The following SMYD3 variants were observed in gnomAD, a reference collection of about 807,000 sequenced individuals.
The protein encoded by SMYD3 is SET and MYND domain containing 3, also known as histone-lysine N-methyltransferase SMYD3.
SMYD3 carries 36 observed loss-of-function variants against 57.7 expected under a neutral mutation model. The observed-to-expected ratio is 0.62, with a 90% confidence interval of 0.48 to 0.82. The LOEUF is 0.82. Among genes scored for constraint, SMYD3 ranks in the 40% least tolerant of loss-of-function variants. The pLI, the probability that SMYD3 is intolerant of heterozygous loss-of-function variation, is 0.00. For missense variants in SMYD3, 515 were observed against 538.8 expected, an observed-to-expected ratio of 0.96 and a Z score of 0.44; for synonymous variants, 211 against 195.0, an observed-to-expected ratio of 1.08 and a Z score of -0.68.
At chr1:245,945,615 G>A (rs986617309) in intron 5 of SMYD3, among the ~76,000 whole-genome samples, 1 of 152,174 alleles carries the variant, frequency 6.6e-6, no homozygotes, top group African/African-American at 2.4e-5. Context: ...CTCATTACTG[G>A]TTATATACCC....
intron 10 of SMYD3, among the ~76,000 whole-genome samples, chr1:245,765,295 G>A (rs763289806): frequency 2.6e-5 from 4 of 151,404 alleles, no homozygotes; most frequent in African/African-American, 9.7e-5. Context: ...TACCTAGGAC[G>A]CTGAGGTGGG....
At chr1:246,472,988 C>G (rs1287926573) in intron 1 of SMYD3, among the ~76,000 whole-genome samples, 1 of 151,248 alleles carries the variant, frequency 6.6e-6, no homozygotes, top group Non-Finnish European at 1.5e-5. Flanking sequence ...TCCCAAGTAG[C>G]TGGGATTACA....
chr1:246,115,668 G>C (rs186541996), intron 5 of SMYD3, among the ~76,000 whole-genome samples: 23 of 152,306 alleles, frequency 1.5e-4, no homozygotes, highest in Admixed American at 1.0e-3. Context: ...GTTGTCCCCA[G>C]TGTCATAGAT....
intron 11 of SMYD3, among the ~76,000 whole-genome samples, chr1:245,761,508 T>C (rs548194183): frequency 1.2e-4 from 19 of 152,178 alleles, no homozygotes; most frequent in Non-Finnish European, 2.2e-4. Flanking sequence ...GGGTATTAGA[T>C]GTCTCCTTCA....
At chr1:246,351,789 T>C (rs939177662) in intron 2 of SMYD3, among the ~76,000 whole-genome samples, 3 of 152,148 alleles carry the variant, frequency 2.0e-5, no homozygotes, top group African/African-American at 7.2e-5. Context: ...CCCTGTATGA[T>C]TCTATATGGT....
At chr1:245,958,667 T>C in intron 5 of SMYD3, among the ~76,000 whole-genome samples, 1 of 152,216 alleles carries the variant, frequency 6.6e-6, no homozygotes, top group Non-Finnish European at 1.5e-5. Context: ...GTCTGTTTCT[T>C]TTACTACTAG....
At chr1:245,935,394 T>C (rs1178987527) in intron 5 of SMYD3, among the ~76,000 whole-genome samples, 1 of 152,150 alleles carries the variant, frequency 6.6e-6, no homozygotes, top group Admixed American at 6.5e-5. Flanking sequence ...ATCAAAAAGA[T>C]GAAAGATAAA....
intron 1 of SMYD3, among the ~76,000 whole-genome samples, chr1:246,454,786 T>C (rs1045066362): frequency 3.3e-5 from 5 of 152,198 alleles, no homozygotes; most frequent in Non-Finnish European, 7.4e-5. Flanking sequence ...AGATTTCTTA[T>C]ATAAAGCAAC....
At chr1:245,983,377 T>C (rs766374113) in intron 5 of SMYD3, among the ~76,000 whole-genome samples, 6 of 152,218 alleles carry the variant, frequency 3.9e-5, no homozygotes, top group Non-Finnish European at 5.9e-5. Context: ...ATCCAAATTC[T>C]TCACCATATT....
At chr1:245,939,497 G>A (rs555889706) in intron 5 of SMYD3, among the ~76,000 whole-genome samples, 6 of 152,056 alleles carry the variant, frequency 3.9e-5, no homozygotes, top group Non-Finnish European at 8.8e-5. Flanking sequence ...GGTGGTGGCA[G>A]GTGTCTGTAG....
At chr1:245,858,799 G>A in intron 9 of SMYD3, 129 bp from the exon 10 acceptor site, 2 of 908,910 alleles carry the variant, frequency 2.2e-6, no homozygotes, top group Non-Finnish European at 3.3e-6. Context: ...TTTCACAGAT[G>A]AGCTGCCTGA....
At chr1:245,770,536 C>A (rs1197016492) in intron 10 of SMYD3, among the ~76,000 whole-genome samples, 1 of 152,178 alleles carries the variant, frequency 6.6e-6, no homozygotes, top group Non-Finnish European at 1.5e-5. Context: ...CAAAAGTAAA[C>A]ATGTCTGAAG....
intron 5 of SMYD3, among the ~76,000 whole-genome samples, chr1:246,273,644 G>T (rs2064273640): frequency 7.1e-6 from 1 of 140,918 alleles, no homozygotes; most frequent in Admixed American, 7.5e-5. Flanking sequence ...GAGTGCAGTG[G>T]CACGATCTCG....
intron 10 of SMYD3, among the ~76,000 whole-genome samples, chr1:245,834,425 C>G (rs2050003080): frequency 6.6e-6 from 1 of 152,152 alleles, no homozygotes; most frequent in Non-Finnish European, 1.5e-5. Context: ...ATCAGAGCTG[C>G]CTGCTCATTG....
chr1:246,246,794 C>CCAATTTG (rs2063711005), intron 5 of SMYD3, among the ~76,000 whole-genome samples: 1 of 150,826 alleles, frequency 6.6e-6, no homozygotes, highest in South Asian at 2.1e-4. Context: ...AAATCAAAAC[C>CCAATTTG]CAATTTGCCT....
intron 10 of SMYD3, among the ~76,000 whole-genome samples, chr1:245,767,420 T>C (rs577867728): frequency 2.0e-5 from 3 of 151,904 alleles, no homozygotes; most frequent in Admixed American, 2.0e-4. Context: ...GTGAGGCAAA[T>C]GAAATCATGA....
intron 8 of SMYD3, among the ~76,000 whole-genome samples, chr1:245,877,459 G>A (rs776207560): frequency 2.0e-5 from 3 of 152,188 alleles, no homozygotes; most frequent in Non-Finnish European, 2.9e-5. Flanking sequence ...TATTTACGTG[G>A]AAAATACACT....
chr1:245,957,210 T>C (rs575352547), intron 5 of SMYD3, among the ~76,000 whole-genome samples: 6 of 152,326 alleles, frequency 3.9e-5, no homozygotes, highest in African/African-American at 1.4e-4. Flanking sequence ...TTGAGTATTA[T>C]TCGGTTCATC....
intron 5 of SMYD3, among the ~76,000 whole-genome samples, chr1:246,245,445 AAAAC>A (rs1206479476): frequency 6.6e-6 from 1 of 152,190 alleles, no homozygotes; most frequent in Non-Finnish European, 1.5e-5. Context: ...TCTGTCTCCA[AAAAC>A]AAACAAACAA....
Sources: gnomAD v4.1 joint callset for allele counts (sites outside exome capture counted in the v4.1 genomes callset) on GRCh38, gnomAD v4.1.1 for gene constraint, MANE v1.5 for transcripts, NCBI Gene and HGNC (gene_info 2026-07-23, HGNC 2026-07-21) for gene names.